KLHL12: variants seen among roughly 807,000 people sequenced by gnomAD.
KLHL12 encodes kelch-like protein 12.
In KLHL12, 17 loss-of-function variants were observed where a neutral mutation model predicts 60.8. That is an observed-to-expected ratio of 0.28 (90% CI 0.19 to 0.42). The LOEUF is 0.42. KLHL12 is among the 10% of genes least tolerant of loss of function. KLHL12 has a pLI of 1.00. For synonymous variants in KLHL12, 220 were observed against 250.9 expected, an observed-to-expected ratio of 0.88 and a Z score of 1.16; for missense variants, 468 against 722.3, an observed-to-expected ratio of 0.65 and a Z score of 4.04.
At chr1:202,910,135 C>G (rs1309272796) in intron 5 of KLHL12, among the ~76,000 whole-genome samples, 1 of 152,158 alleles carries the variant, frequency 6.6e-6, no homozygotes, top group Non-Finnish European at 1.5e-5. Flanking sequence ...CACATAGTAA[C>G]TTACTCAATG....
intron 6 of KLHL12, among the ~76,000 whole-genome samples, chr1:202,902,316 G>C (rs1423128807): frequency 6.6e-6 from 1 of 151,894 alleles, no homozygotes; most frequent in Non-Finnish European, 1.5e-5. Flanking sequence ...TGTAATCTCA[G>C]CTACTCGGGA....
At chr1:202,903,537 G>A (rs1370856022) in intron 6 of KLHL12, among the ~76,000 whole-genome samples, 7 of 146,134 alleles carry the variant, frequency 4.8e-5, no homozygotes, top group African/African-American at 1.8e-4. Flanking sequence ...ATGGTTCACT[G>A]CAGCCTCAGC....
rs1459336470 is a variant in KLHL12, at chr1:202,894,664, G to A, written c.1221C>T (p.Ser407=). 3.1e-6 allele frequency: 5 copies of A among 1,614,002 alleles called. No individual in the cohort carries two copies. Among genetic ancestry groups the A allele is most frequent in the Non-Finnish European group, 4.2e-6 (5 of 1,180,006 alleles). Residue 407 remains serine, a synonymous_variant, in exon 9 of 12, where the codon AGC becomes AGT. Transcript: ENST00000367261. ...GGGCTGTCTGCATATCTCCCAGCAT[G>A]CTCCACTGGTCAATGTTTGGATCAT... is the stretch of plus-strand genomic sequence containing the variant. ...ERYDPNIDQW[S]MLGDMQTARE...
chr1:202,907,136 C>T (rs1660218616), intron 6 of KLHL12, among the ~76,000 whole-genome samples: 1 of 152,130 alleles, frequency 6.6e-6, no homozygotes, highest in African/African-American at 2.4e-5. Context: ...CACATTTTGT[C>T]ATCTTGCAGT....
At chr1:202,920,218 G>A (rs1340642187) in intron 2 of KLHL12, among the ~76,000 whole-genome samples, 5 of 151,810 alleles carry the variant, frequency 3.3e-5, no homozygotes, top group African/African-American at 9.7e-5. Context: ...GGAGGCTGAG[G>A]CAGGAGAATT....
rs200428678 is a variant in KLHL12 at position 202,918,330 on chromosome 1, C to T, written c.408G>A (p.Leu136=). The change falls in exon 4 of 12, where the codon CTG becomes CTA. Residue 136 remains leucine, a synonymous_variant. Transcript: ENST00000367261. The part of the protein sequence containing the change: ...LESQLDPSNC[L]GIRDFAETHN... The stretch of plus-strand genomic sequence containing the variant: ...GGGTTTCAGCAAAATCCCTAATACC[C>T]AGGCAATTAGAAGGGTCCAACTGAC... The T allele has an allele frequency of 6.2e-7, 1 of 1,614,074 alleles. No homozygotes were observed. The highest frequency in any genetic ancestry group is 8.5e-7 in the Non-Finnish European group (1 of 1,180,034).
Position 202,892,263 on chromosome 1 carries a change from G to A in KLHL12, c.*270C>T, listed in dbSNP as rs751878042. 8 of 392,044 alleles carry A rather than the reference G, an allele frequency of 2.0e-5. No homozygotes were observed. Among genetic ancestry groups the A allele is most frequent in the Non-Finnish European group, 3.8e-5 (8 of 213,016 alleles). The allele number at this position is 392,044 out of a possible 1,614,324, so 24.3% of individuals were successfully genotyped here. The stretch of plus-strand genomic sequence containing the variant: ...GGTAAGTTAGAAATGACAGGAAAGT[G>A]CTCCCCAAAGCAGTGGGAGAGGCAA... On this transcript the variant is annotated 3_prime_UTR_variant, in exon 12 of 12. Coordinates refer to ENST00000367261, the MANE Select transcript of KLHL12 (RefSeq NM_021633.4).
In KLHL12 at chr1:202,893,571, G is replaced by T. The variant is rs1659741437; in HGVS notation, c.1394-146C>A. The T allele has an allele frequency of 5.0e-6, 3 of 595,380 alleles. No individual in the cohort carries two copies. Among genetic ancestry groups the T allele is most frequent in the Non-Finnish European group, 8.7e-6 (3 of 343,320 alleles). The allele number at this position is 595,380 out of a possible 1,614,324, so 36.9% of individuals were successfully genotyped here. ...GCCCACACGGGCCTAGAATAATCTA[G>T]TCCAGCACAAGTTATTCCATCTATA... On this transcript the variant is annotated intron_variant, in intron 10 of 11. Coordinates refer to ENST00000367261, the MANE Select transcript of KLHL12 (RefSeq NM_021633.4). This position sits in a 1 kb window ranked among gnomAD's most constrained non-coding sequence, Gnocchi z 4.1.
At chr1:202,928,360 T>C (rs929869009), upstream of KLHL12, 1 of 425,016 alleles carries the variant, frequency 2.4e-6, no homozygotes, top group African/African-American at 2.1e-5. Flanking sequence ...CCTGGGAATG[T>C]ATCTACAGCT....
upstream of KLHL12, chr1:202,927,300 A>C (rs1480249145): frequency 1.0e-6 from 1 of 983,788 alleles, no homozygotes; most frequent in Non-Finnish European, 1.2e-6. Context: ...CCCGCTCCAG[A>C]GTCTGCGTCA....
rs967898050 is a variant in KLHL12, at chr1:202,909,064, G to A, written c.778C>T (p.Leu260=). Residue 260 remains leucine, a synonymous_variant, in exon 6 of 12, where the codon CTG becomes TTG. Coordinates refer to ENST00000367261, the MANE Select transcript of KLHL12 (RefSeq NM_021633.4). This position sits in a 1 kb window ranked among gnomAD's most constrained non-coding sequence, Gnocchi z 4.1. ...DLVDEAKKFH[L]RPELRSQMQG... The stretch of plus-strand genomic sequence containing the variant: ...ATCTGACTCCGAAGTTCAGGCCTCA[G>A]ATGAAACTTCTTTGCTTCATCAACC... The A allele has an allele frequency of 3.7e-6, 6 of 1,614,076 alleles. No homozygotes were observed. The highest frequency in any genetic ancestry group is 2.7e-5 in the African/African-American group (2 of 75,028).
chr1:202,896,272 G>C (rs185405309), intron 7 of KLHL12, among the ~76,000 whole-genome samples: 2 of 152,026 alleles, frequency 1.3e-5, no homozygotes, highest in African/African-American at 4.8e-5. Context: ...CTGCAACCTC[G>C]AACTCCTGGG....
chr1:202,928,274 CAAAAAA>C (rs368999167), upstream of KLHL12, among the ~76,000 whole-genome samples: 35 of 123,850 alleles, frequency 2.8e-4, no homozygotes, highest in South Asian at 6.5e-3. Context: ...GACTCCGTCT[CAAAAAA>C]AAAAAAAAGA....
At chr1:202,908,572 C>G (rs931039918) in intron 6 of KLHL12, among the ~76,000 whole-genome samples, 3 of 152,168 alleles carry the variant, frequency 2.0e-5, no homozygotes, top group African/African-American at 7.2e-5. Context: ...AACCCATGTA[C>G]TTTCTACCAC....
intron 3 of KLHL12, 122 bp downstream of exon 3, chr1:202,919,633 G>T: frequency 1.1e-6 from 1 of 876,676 alleles, no homozygotes; most frequent in Non-Finnish European, 1.7e-6. Context: ...AAAAGCCATG[G>T]CCAGCAAACA....
At chr1:202,928,490 A>G, upstream of KLHL12, 1 of 1,303,140 alleles carries the variant, frequency 7.7e-7, no homozygotes, top group South Asian at 1.2e-5. Context: ...CCTTCCAGGT[A>G]CTGAGGAACT....
At position 202,918,204 on chromosome 1, in the gene KLHL12, C is replaced by T. The variant is rs372318969; in HGVS notation, c.534G>A (p.Glu178=). ...HEEFILLSQG[E]VEKLIKCDEI... Reference sequence around the variant, plus strand: ...CGTCGCACTTGATTAGCTTTTCCACCTCTCCTTGACTCAGAAGAATGAACT... The same window carrying T: ...CGTCGCACTTGATTAGCTTTTCCACTTCTCCTTGACTCAGAAGAATGAACT... Residue 178 remains glutamate, a synonymous_variant, in exon 4 of 12, where the codon GAG becomes GAA. Coordinates refer to ENST00000367261, the MANE Select transcript of KLHL12 (RefSeq NM_021633.4). 23 of 1,613,948 alleles carry T rather than the reference C, an allele frequency of 1.4e-5. No individual in the cohort carries two copies. The highest frequency in any genetic ancestry group is 8.9e-5 in the East Asian group (4 of 44,890).
intron 4 of KLHL12, among the ~76,000 whole-genome samples, chr1:202,916,460 A>G (rs1660522401): frequency 6.6e-6 from 1 of 152,196 alleles, no homozygotes; most frequent in Non-Finnish European, 1.5e-5. Context: ...GCCTGGCCAC[A>G]ATAGTGAAAC....
Position 202,909,315 on chromosome 1 carries a change from A to G in KLHL12, c.718-191T>C, listed in dbSNP as rs538041004. Among the ~76,000 whole-genome samples, 1 of 151,354 alleles carries G rather than the reference A, an allele frequency of 6.6e-6. No individual in the cohort carries two copies. The highest frequency in any genetic ancestry group is 2.4e-5 in the African/African-American group (1 of 41,082). The stretch of plus-strand genomic sequence containing the variant: ...AATGATTTTTAAAATTTACTTGAAA[A>G]ATAGATAACATACTAGATGGATCAA... On this transcript the variant is annotated intron_variant, in intron 5 of 11. Coordinates refer to ENST00000367261, the MANE Select transcript of KLHL12 (RefSeq NM_021633.4). This position sits in a 1 kb window ranked among gnomAD's most constrained non-coding sequence, Gnocchi z 4.1.
Sources: gnomAD v4.1 joint callset for allele counts (sites outside exome capture counted in the v4.1 genomes callset) on GRCh38, gnomAD v4.1.1 for gene constraint, Gnocchi (gnomAD v3.1) non-coding constraint, MANE v1.5 for transcripts, NCBI Gene and HGNC (gene_info 2026-07-23, HGNC 2026-07-21) for gene names.